The following RERE variants were observed in gnomAD, a reference collection of about 807,000 sequenced individuals.
The protein encoded by RERE is arginine-glutamic acid dipeptide repeats protein.
RERE carries 40 observed loss-of-function variants against 146.1 expected under a neutral mutation model. The ratio of observed to expected loss-of-function variants is 0.27; its 90% CI spans 0.21 to 0.36. RERE has a LOEUF of 0.36. RERE is among the 10% of genes least tolerant of loss of function. The pLI is 1.00. For synonymous variants in RERE, 1,003 were observed against 866.0 expected (o/e 1.16, Z -2.78); for missense variants, 1,933 against 2,138.7 (o/e 0.90, Z 1.90).
intron 4 of RERE, among the ~76,000 whole-genome samples, chr1:8,596,035 CTAGAAA>C (rs1646551818): frequency 6.6e-6 from 1 of 152,226 alleles, no homozygotes; most frequent in African/African-American, 2.4e-5. Flanking sequence ...TACTGATCCA[CTAGAAA>C]TAAAGTGATT....
At chr1:8,464,725 C>A (rs934371864) in intron 11 of RERE, among the ~76,000 whole-genome samples, 1 of 152,158 alleles carries the variant, frequency 6.6e-6, no homozygotes, top group Non-Finnish European at 1.5e-5. Context: ...TTACTAAGGT[C>A]TCATCTAAAT....
chr1:8,521,788 C>CT (rs371449922), intron 7 of RERE, among the ~76,000 whole-genome samples: 32 of 152,308 alleles, frequency 2.1e-4, no homozygotes, highest in African/African-American at 7.2e-4. Context: ...AGCCTTTCCT[C>CT]TTACCACAGA....
At chr1:8,729,671 T>G (rs532122159) in intron 1 of RERE, among the ~76,000 whole-genome samples, 176 of 152,230 alleles carry the variant, frequency 1.2e-3, no homozygotes, top group African/African-American at 3.9e-3. Flanking sequence ...ACAGCAAACA[T>G]CTCCAGCCTT....
At chr1:8,788,314 T>C (rs573838385) in intron 1 of RERE, among the ~76,000 whole-genome samples, 1 of 151,936 alleles carries the variant, frequency 6.6e-6, no homozygotes, top group South Asian at 2.1e-4. Context: ...TAATTTTTAA[T>C]ATATGTTAAT....
intron 1 of RERE, among the ~76,000 whole-genome samples, chr1:8,676,437 T>TG (rs890841763): frequency 7.9e-5 from 12 of 151,732 alleles, no homozygotes; most frequent in Non-Finnish European, 1.6e-4. Flanking sequence ...AATGGCAAGC[T>TG]GAAGGACTAA....
rs964813115 is a variant in RERE, at chr1:8,656,037, T to C, written c.261A>G (p.Glu87=). The C allele has an allele frequency of 6.2e-6, 10 of 1,614,082 alleles. No individual in the cohort carries two copies. The highest frequency in any genetic ancestry group is 8.5e-6 in the Non-Finnish European group (10 of 1,180,056). ...KKPPKKKSRY[E]RTDTGEITSY... is the part of the protein sequence containing the mutation. Reference sequence around the variant, plus strand: ...ATGTTATCTCACCGGTATCTGTCCTTTCATAACGAGACTTTTTTTTCGGTG... The same window carrying C: ...ATGTTATCTCACCGGTATCTGTCCTCTCATAACGAGACTTTTTTTTCGGTG... The change falls in exon 2 of 23, where the codon GAA becomes GAG. Residue 87 remains glutamate (E), a synonymous_variant. Transcript: ENST00000400908.
chr1:8,552,157 T>C (rs956313121), intron 6 of RERE, among the ~76,000 whole-genome samples: 15 of 152,344 alleles, frequency 9.8e-5, no homozygotes, highest in Admixed American at 2.6e-4. Flanking sequence ...AAAGCTATAA[T>C]CTCACAATTT....
Position 8,564,579 on chromosome 1 carries a change from T to C in RERE, c.523-7056A>G, listed in dbSNP as rs969534000. ...AAAGATAAGCTTTCTGTACCAGTCA[T>C]AGTTACCCAACTTCATGGATAAATA... On this transcript the variant is annotated intron_variant, in intron 4 of 22. Coordinates refer to ENST00000400908, the MANE Select transcript of RERE (RefSeq NM_001042681.2). Among the ~76,000 whole-genome samples the C allele has an allele frequency of 3.3e-5, 5 of 152,316 alleles. No homozygotes were observed. The East Asian group carries it at 7.7e-4, about 23-fold the overall frequency.
intron 12 of RERE, among the ~76,000 whole-genome samples, chr1:8,411,932 C>G (rs1043269085): frequency 6.6e-6 from 1 of 152,100 alleles, no homozygotes; most frequent in Non-Finnish European, 1.5e-5. Flanking sequence ...TACAGATTCT[C>G]GCCAAATGAA....
chr1:8,689,648 G>C (rs917026470), intron 1 of RERE, among the ~76,000 whole-genome samples: 5 of 152,010 alleles, frequency 3.3e-5, no homozygotes, highest in African/African-American at 7.2e-5. Context: ...TGTGAGAAGT[G>C]AGAGAGTTCT....
At chr1:8,605,745 CAAAAAAA>C (rs564574812) in intron 4 of RERE, among the ~76,000 whole-genome samples, 2,492 of 64,438 alleles carry the variant, frequency 0.039, 34 homozygotes, top group Non-Finnish European at 0.046. Flanking sequence ...ACCCCATCTC[CAAAAAAA>C]AAAAAAAAAA....
intron 4 of RERE, among the ~76,000 whole-genome samples, chr1:8,602,693 A>C (rs1290927408): frequency 6.6e-6 from 1 of 152,210 alleles, no homozygotes; most frequent in Non-Finnish European, 1.5e-5. Flanking sequence ...AAACAAAAAC[A>C]AAACCAAAAA....
chr1:8,793,062 C>A (rs1263513302), intron 1 of RERE, among the ~76,000 whole-genome samples: 2 of 146,774 alleles, frequency 1.4e-5, no homozygotes, highest in Admixed American at 7.1e-5. Context: ...GAGGCCGAGG[C>A]AGGAGAATTG....
intron 1 of RERE, among the ~76,000 whole-genome samples, chr1:8,799,736 G>A (rs940515946): frequency 2.0e-5 from 3 of 151,176 alleles, no homozygotes; most frequent in Admixed American, 2.0e-4. Context: ...AAAACATTAT[G>A]AGTTTTTTTG....
intron 1 of RERE, among the ~76,000 whole-genome samples, chr1:8,784,047 T>G (rs993363789): frequency 2.6e-5 from 4 of 152,330 alleles, no homozygotes; most frequent in Admixed American, 6.5e-5. Flanking sequence ...AAATGTCTGT[T>G]GTGTTAAGCC....
At chr1:8,749,602 T>G (rs1162680518) in intron 1 of RERE, among the ~76,000 whole-genome samples, 1 of 152,104 alleles carries the variant, frequency 6.6e-6, no homozygotes, top group African/African-American at 2.4e-5. Flanking sequence ...TACACCTAGG[T>G]AAGAGTTAGT....
At chr1:8,641,678 T>C (rs895445904) in intron 2 of RERE, among the ~76,000 whole-genome samples, 1 of 152,204 alleles carries the variant, frequency 6.6e-6, no homozygotes, top group Non-Finnish European at 1.5e-5. Flanking sequence ...GAAGGTCTTC[T>C]GAAGGCTGTC....
intron 11 of RERE, among the ~76,000 whole-genome samples, chr1:8,431,525 C>A (rs568527944): frequency 6.6e-6 from 1 of 152,170 alleles, no homozygotes; most frequent in Admixed American, 6.5e-5. Flanking sequence ...AAATAAAGTG[C>A]ACAATAAATG....
At chr1:8,450,689 GT>G (rs1644380669) in intron 11 of RERE, among the ~76,000 whole-genome samples, 1 of 152,140 alleles carries the variant, frequency 6.6e-6, no homozygotes, top group Non-Finnish European at 1.5e-5. Context: ...GCCAGAAGTT[GT>G]TTTGTCAACA....
Sources: allele counts gnomAD v4.1 joint callset (sites outside exome capture counted in the v4.1 genomes callset), GRCh38; gene constraint gnomAD v4.1.1; transcripts MANE v1.5; gene names NCBI Gene and HGNC (gene_info 2026-07-23, HGNC 2026-07-21).